DLC1: variants seen among roughly 807,000 people sequenced by gnomAD.
DLC1 encodes the protein rho GTPase-activating protein 7.
Under a neutral mutation model 140.3 loss-of-function variants are expected in DLC1, and 54 were observed. That is an observed-to-expected ratio of 0.38 (90% confidence interval 0.31 to 0.48). The LOEUF (loss-of-function observed/expected upper bound fraction) is 0.48. Among genes scored for constraint, DLC1 ranks in the 20% least tolerant of loss-of-function variants. The pLI, the probability that DLC1 is intolerant of heterozygous loss-of-function variation, is 0.96. For synonymous variants in DLC1, 986 were observed against 728.1 expected (o/e 1.35, Z -5.70); for missense variants, 2,536 against 1,907.0 (o/e 1.33, Z -6.14).
chr8:13,393,444 A>T, intron 4 of DLC1, 109 bp downstream of exon 4: 1 of 1,236,454 alleles, frequency 8.1e-7, no homozygotes, highest in Non-Finnish European at 1.1e-6. Context: ...TTAAGTCACT[A>T]TGGCTAAGAT....
At chr8:13,506,344 T>C (rs1802065050) in intron 1 of DLC1, among the ~76,000 whole-genome samples, 1 of 151,850 alleles carries the variant, frequency 6.6e-6, no homozygotes, top group Non-Finnish European at 1.5e-5. Context: ...GGATATTCTA[T>C]TAAATATCCT....
intron 5 of DLC1, among the ~76,000 whole-genome samples, chr8:13,303,451 G>A (rs1832287365): frequency 6.6e-6 from 1 of 152,084 alleles, no homozygotes; most frequent in Non-Finnish European, 1.5e-5. Flanking sequence ...AAAATTTCCA[G>A]GATTATGACA....
chr8:13,460,890 A>AG (rs1799624628), intron 2 of DLC1, among the ~76,000 whole-genome samples: 1 of 152,172 alleles, frequency 6.6e-6, no homozygotes, highest in Non-Finnish European at 1.5e-5. Flanking sequence ...TCACAGTGTG[A>AG]GGGGAAAAAC....
intron 5 of DLC1, among the ~76,000 whole-genome samples, chr8:13,268,320 ACT>A (rs1360601037): frequency 6.6e-6 from 1 of 151,972 alleles, no homozygotes; most frequent in African/African-American, 2.4e-5. Context: ...AACTTGCCTG[ACT>A]CTGTTTGTTT....
rs1319473441 is a variant in DLC1, at chr8:13,587,581, AATATATATATATATACATTGCATATATAT to A, written c.-126+16927_-126+16955del. 8.3e-5 allele frequency among the ~76,000 whole-genome samples: 11 copies of A among 132,098 alleles called. No individual in the cohort carries two copies. The South Asian group carries it at 2.0e-3, about 24-fold the overall frequency. 86.7% of individuals were successfully genotyped at this position (132,098 alleles called of 152,430 possible). On this transcript the variant is annotated intron_variant, in intron 1 of 1. Coordinates refer to the DLC1 transcript ENST00000631382. ...CACACACACACACAGAGAGAGAGAA[AATATATATATATATACATTGCATATATAT>A]ATATATATATATATACATTGCCTAT... is the stretch of plus-strand genomic sequence containing the variant.
At chr8:13,164,157 G>A (rs972286680) in intron 5 of DLC1, among the ~76,000 whole-genome samples, 1 of 152,112 alleles carries the variant, frequency 6.6e-6, no homozygotes. Flanking sequence ...AATTAGCTGG[G>A]TGTGGTGGCA....
chr8:13,106,968 C>T (rs1175483755), intron 7 of DLC1, among the ~76,000 whole-genome samples: 1 of 152,324 alleles, frequency 6.6e-6, no homozygotes, highest in African/African-American at 2.4e-5. Context: ...CGTGCACATG[C>T]TTCAAGACAA....
At chr8:13,535,209 A>G (rs907429572) in intron 1 of DLC1, among the ~76,000 whole-genome samples, 8 of 152,162 alleles carry the variant, frequency 5.3e-5, no homozygotes, top group African/African-American at 1.4e-4. Flanking sequence ...ATAAGTCGGG[A>G]CAAGGGTCTA....
chr8:13,602,582 A>G (rs963943501), intron 1 of DLC1, among the ~76,000 whole-genome samples: 10 of 151,874 alleles, frequency 6.6e-5, no homozygotes, highest in African/African-American at 9.7e-5. Flanking sequence ...TGTATATGAA[A>G]CAAGAATGAC....
rs553965694 is a variant in DLC1, at chr8:13,375,600, A to T, written c.1314+17953T>A. 1.9e-4 allele frequency among the ~76,000 whole-genome samples: 29 copies of T among 152,254 alleles called. No homozygotes were observed. In the East Asian group the frequency reaches 4.6e-3, roughly 24 times the overall value. Reference sequence around the variant, plus strand: ...CTGTCTTGTGCCATTTTTCAAAGGGAATGCTTCCAGTTTTTGCCCATTCAG... The same window carrying T: ...CTGTCTTGTGCCATTTTTCAAAGGGTATGCTTCCAGTTTTTGCCCATTCAG... On this transcript the variant is annotated intron_variant, in intron 4 of 17. Transcript: ENST00000276297.
At chr8:13,349,607 T>C (rs1331509005) in intron 4 of DLC1, among the ~76,000 whole-genome samples, 2 of 152,178 alleles carry the variant, frequency 1.3e-5, no homozygotes, top group Non-Finnish European at 2.9e-5. Flanking sequence ...ATTAGTCAAT[T>C]TTCAGTGACT....
intron 4 of DLC1, chr8:13,340,998 G>A (rs1288732395): frequency 1.3e-5 from 2 of 152,152 alleles, no homozygotes; most frequent in African/African-American, 4.8e-5. Flanking sequence ...TATTCACATC[G>A]AGCTATGGGG....
chr8:13,235,953 C>G (rs956409509), intron 5 of DLC1, among the ~76,000 whole-genome samples: 6 of 149,374 alleles, frequency 4.0e-5, no homozygotes, highest in Admixed American at 2.0e-4. Flanking sequence ...TAGTAAGAAG[C>G]AGGAAGAAGT....
At chr8:13,313,146 T>C (rs766882623) in intron 4 of DLC1, among the ~76,000 whole-genome samples, 15 of 152,138 alleles carry the variant, frequency 9.9e-5, no homozygotes, top group Non-Finnish European at 2.1e-4. Context: ...CTGTTTTCCT[T>C]AAAATGCTTT....
chr8:13,120,342 C>CAAAAAAAAAAAAA (rs1554577908), intron 5 of DLC1, among the ~76,000 whole-genome samples: 3 of 58,802 alleles, frequency 5.1e-5, no homozygotes, highest in African/African-American at 1.5e-4. Context: ...GACTCCGTCG[C>CAAAAAAAAAAAAA]AAAAAAAAAA....
At chr8:13,574,772 C>G (rs1365050913) in intron 1 of DLC1, among the ~76,000 whole-genome samples, 1 of 152,140 alleles carries the variant, frequency 6.6e-6, no homozygotes, top group African/African-American at 2.4e-5. Flanking sequence ...AGAGAAAAGT[C>G]AGCTCAATCC....
At chr8:13,256,047 C>T (rs1326553279) in intron 5 of DLC1, among the ~76,000 whole-genome samples, 2 of 152,024 alleles carry the variant, frequency 1.3e-5, no homozygotes, top group African/African-American at 2.4e-5. Flanking sequence ...AGATGAGGAA[C>T]AAAAAGATGA....
At chr8:13,582,679 A>C (rs1383969957) in intron 1 of DLC1, among the ~76,000 whole-genome samples, 1 of 151,476 alleles carries the variant, frequency 6.6e-6, no homozygotes, top group East Asian at 1.9e-4. Context: ...ATACTTAATA[A>C]ACTTCCATAT....
chr8:13,404,938 C>T (rs1837456973), intron 2 of DLC1, among the ~76,000 whole-genome samples: 1 of 151,972 alleles, frequency 6.6e-6, no homozygotes, highest in Non-Finnish European at 1.5e-5. Context: ...ACCTGGGAGG[C>T]AGAGGCAGCA....
Sources: gnomAD v4.1 joint callset for allele counts (sites outside exome capture counted in the v4.1 genomes callset) on GRCh38, gnomAD v4.1.1 for gene constraint, MANE v1.5 for transcripts, NCBI Gene and HGNC (gene_info 2026-07-23, HGNC 2026-07-21) for gene names.